DLGAP1: variants seen among roughly 807,000 people sequenced by gnomAD.
DLGAP1 encodes DLG associated protein 1.
In DLGAP1, 11 loss-of-function variants were observed where a neutral mutation model predicts 90.8. That is an observed-to-expected ratio of 0.12 (90% CI 0.08 to 0.20). The LOEUF is 0.20. DLGAP1 is among the 10% of genes least tolerant of loss of function. The pLI is 1.00. For synonymous variants in DLGAP1, 558 were observed against 540.7 expected (o/e 1.03, Z -0.44); for missense variants, 1,050 against 1,333.8 (o/e 0.79, Z 3.31).
intron 1 of DLGAP1, among the ~76,000 whole-genome samples, chr18:4,187,077 G>A (rs1038052448): frequency 6.6e-6 from 1 of 152,248 alleles, no homozygotes; most frequent in African/African-American, 2.4e-5. Flanking sequence ...TATATAAAAT[G>A]TTAGTGATTT....
At chr18:4,439,014 G>A (rs1225912208) in intron 1 of DLGAP1, among the ~76,000 whole-genome samples, 1 of 152,184 alleles carries the variant, frequency 6.6e-6, no homozygotes, top group African/African-American at 2.4e-5. Flanking sequence ...TGTGCAAACT[G>A]GCTACAATCC....
chr18:3,896,456 T>C (rs956750536), intron 3 of DLGAP1: 4 of 152,166 alleles, frequency 2.6e-5, no homozygotes, highest in Admixed American at 6.5e-5. Context: ...CATCATATTG[T>C]CTCGTTTTAA....
At chr18:3,929,933 G>C (rs974879454) in intron 3 of DLGAP1, among the ~76,000 whole-genome samples, 2 of 152,174 alleles carry the variant, frequency 1.3e-5, no homozygotes, top group African/African-American at 4.8e-5. Context: ...CATTTCTGAA[G>C]CTTGCAGTCT....
chr18:3,645,086 T>C (rs1259038771), intron 7 of DLGAP1, among the ~76,000 whole-genome samples: 1 of 152,124 alleles, frequency 6.6e-6, no homozygotes, highest in Non-Finnish European at 1.5e-5. Context: ...CATTTTTCCC[T>C]CGTATTTTAA....
At chr18:3,804,673 T>A (rs2066483623) in intron 5 of DLGAP1, among the ~76,000 whole-genome samples, 1 of 152,182 alleles carries the variant, frequency 6.6e-6, no homozygotes, top group Admixed American at 6.5e-5. Context: ...AGATGGCAGC[T>A]CAACTCAACC....
chr18:3,616,226 T>C (rs542550300), intron 7 of DLGAP1, among the ~76,000 whole-genome samples: 1 of 152,338 alleles, frequency 6.6e-6, no homozygotes, highest in East Asian at 1.9e-4. Context: ...ATCTGACATG[T>C]CCTTCTAGAA....
chr18:3,661,005 C>T (rs1415754968), intron 7 of DLGAP1, among the ~76,000 whole-genome samples: 1 of 152,148 alleles, frequency 6.6e-6, no homozygotes, highest in Non-Finnish European at 1.5e-5. Flanking sequence ...CTAAGTTATT[C>T]CCATGCTGCA....
At chr18:3,780,388 G>A (rs1036672011) in intron 5 of DLGAP1, among the ~76,000 whole-genome samples, 3 of 152,134 alleles carry the variant, frequency 2.0e-5, no homozygotes, top group Non-Finnish European at 2.9e-5. Context: ...TCAACAGTGC[G>A]GTGTCCCTTT....
chr18:4,199,642 G>A (rs1440150114), intron 1 of DLGAP1, among the ~76,000 whole-genome samples: 2 of 152,178 alleles, frequency 1.3e-5, no homozygotes, highest in Non-Finnish European at 1.5e-5. Flanking sequence ...TTCTGGATCC[G>A]CCTTTAGAAA....
At chr18:4,122,072 T>G (rs1246158874) in intron 2 of DLGAP1, among the ~76,000 whole-genome samples, 1 of 152,136 alleles carries the variant, frequency 6.6e-6, no homozygotes, top group Admixed American at 6.5e-5. Context: ...AATGCAATCA[T>G]GTGGAAGTGA....
At chr18:3,612,810 A>T (rs984158511) in intron 7 of DLGAP1, among the ~76,000 whole-genome samples, 1 of 152,102 alleles carries the variant, frequency 6.6e-6, no homozygotes, top group Admixed American at 6.6e-5. Flanking sequence ...TGTGTTAGCT[A>T]TATCTTCAAG....
chr18:3,577,288 C>T (rs1295413764), intron 8 of DLGAP1, among the ~76,000 whole-genome samples: 2 of 152,214 alleles, frequency 1.3e-5, no homozygotes, highest in Non-Finnish European at 2.9e-5. Flanking sequence ...AGCTCCTAAA[C>T]TTCTGGTAAC....
At chr18:4,127,323 A>C (rs2076247162) in intron 2 of DLGAP1, among the ~76,000 whole-genome samples, 1 of 152,186 alleles carries the variant, frequency 6.6e-6, no homozygotes. Context: ...AAGGGGAAAA[A>C]ACATGATTTA....
chr18:4,305,422 C>T (rs1291052324), intron 1 of DLGAP1, among the ~76,000 whole-genome samples: 1 of 151,150 alleles, frequency 6.6e-6, no homozygotes, highest in East Asian at 2.0e-4. Flanking sequence ...TAGTCCCAGA[C>T]ACTCGGGAGG....
intron 1 of DLGAP1, among the ~76,000 whole-genome samples, chr18:4,381,501 A>G (rs889916143): frequency 6.8e-6 from 1 of 147,994 alleles, no homozygotes; most frequent in Non-Finnish European, 1.5e-5. Context: ...ATCACTAATT[A>G]TGCTGTCTGT....
At chr18:4,255,179 A>T (rs765804873) in intron 1 of DLGAP1, among the ~76,000 whole-genome samples, 3 of 152,188 alleles carry the variant, frequency 2.0e-5, no homozygotes, top group Non-Finnish European at 4.4e-5. Flanking sequence ...AGTCAAGTTC[A>T]TCTATCCTTT....
intron 4 of DLGAP1, among the ~76,000 whole-genome samples, chr18:3,862,677 G>C (rs1401312871): frequency 6.6e-6 from 1 of 152,190 alleles, no homozygotes; most frequent in Admixed American, 6.5e-5. Context: ...CAAAACCCCA[G>C]GCCCATGTTA....
At chr18:4,208,439 A>G (rs973449) in intron 1 of DLGAP1, among the ~76,000 whole-genome samples, 26,414 of 152,198 alleles carry the variant, frequency 0.17, 4,938 homozygotes, top group African/African-American at 0.47. Context: ...GAACCAATGC[A>G]AAGCCCAATG....
At chr18:3,564,182 G>A (rs531296002) in intron 9 of DLGAP1, among the ~76,000 whole-genome samples, 2 of 152,312 alleles carry the variant, frequency 1.3e-5, no homozygotes, top group Non-Finnish European at 2.9e-5. Flanking sequence ...TGGTAAATTG[G>A]CATTTAGTAA....
Sources: gnomAD v4.1 joint callset for allele counts (sites outside exome capture counted in the v4.1 genomes callset) on GRCh38, gnomAD v4.1.1 for gene constraint, MANE v1.5 for transcripts, NCBI Gene and HGNC (gene_info 2026-07-23, HGNC 2026-07-21) for gene names.